Variants in LRRC9 observed in about 807,000 individuals in gnomAD.
The protein encoded by LRRC9 is leucine-rich repeat-containing protein 9.
Under a neutral mutation model 63.2 loss-of-function variants are expected in LRRC9, and 122 were observed. That is an observed-to-expected ratio of 1.93 (90% CI 1.67 to 2.24). The LOEUF is 2.24. Among genes scored for constraint, LRRC9 ranks in the 30% most tolerant of loss-of-function variants. The pLI is 0.00. For missense variants in LRRC9, 1,071 were observed against 627.7 expected, an observed-to-expected ratio of 1.71 and a Z score of -7.55; for synonymous variants, 366 against 213.1, an observed-to-expected ratio of 1.72 and a Z score of -6.25.
chr14:60,009,518 G>A (rs1392912761), intron 23 of LRRC9, among the ~76,000 whole-genome samples: 1 of 152,142 alleles, frequency 6.6e-6, no homozygotes, highest in Non-Finnish European at 1.5e-5. Context: ...CCATGACGTG[G>A]GGATTATTAC....
intron 26 of LRRC9, 95 bp downstream of exon 26, chr14:60,019,355 C>T (rs1890939105): frequency 4.1e-6 from 2 of 490,676 alleles, no homozygotes. Context: ...CATTCCAGTA[C>T]ATAAAATTTA....
intron 16 of LRRC9, among the ~76,000 whole-genome samples, chr14:59,982,458 C>G (rs540232592): frequency 6.6e-6 from 1 of 152,214 alleles, no homozygotes; most frequent in East Asian, 1.9e-4. Context: ...GAGCATGGTG[C>G]CTGCATCTGG....
intron 12 of LRRC9, among the ~76,000 whole-genome samples, chr14:59,967,762 C>T (rs1885013994): frequency 6.6e-6 from 1 of 152,018 alleles, no homozygotes; most frequent in South Asian, 2.1e-4. Flanking sequence ...CAGCGCTTCC[C>T]AACCTTTTTC....
chr14:60,045,201 T>G (rs1209666666), intron 29 of LRRC9, among the ~76,000 whole-genome samples: 1 of 152,148 alleles, frequency 6.6e-6, no homozygotes. Context: ...TGTATCTTTA[T>G]AGGTGAAATG....
chr14:59,944,852 ACACACACACACACT>A (rs1882179467), intron 8 of LRRC9, 108 bp downstream of exon 8: 1 of 454,200 alleles, frequency 2.2e-6, no homozygotes, highest in South Asian at 4.0e-5. Flanking sequence ...TATATAATAC[ACACACACACACACT>A]CACACACACA....
chr14:59,943,465 G>T (rs1164806530), intron 7 of LRRC9, among the ~76,000 whole-genome samples: 1 of 150,026 alleles, frequency 6.7e-6, no homozygotes, highest in Non-Finnish European at 1.5e-5. Flanking sequence ...TCTCCAAATA[G>T]GCAAGAAAAA....
At chr14:59,931,896 A>G (rs548930579) in intron 5 of LRRC9, 73 bp from the exon 6 acceptor site, 13 of 673,364 alleles carry the variant, frequency 1.9e-5, no homozygotes, top group Non-Finnish European at 3.5e-5. Flanking sequence ...CGATGGCTAC[A>G]TACAACTCAG....
At position 59,937,385 on chromosome 14, in the gene LRRC9, T is replaced by G. The variant is rs75639033; in HGVS notation, c.544-1005T>G. Among the ~76,000 whole-genome samples, 549 of 152,148 alleles carry G rather than the reference T, an allele frequency of 3.6e-3. 5 individuals are homozygous for G. The highest frequency in any genetic ancestry group is 0.013 in the African/African-American group (526 of 41,514). ...GCTTATAGACACAAGCATTTGGCAA[T>G]AGGGTATAATAAAATCCATACCAAA... On this transcript the variant is annotated intron_variant, in intron 6 of 31. Transcript: ENST00000445360.
intron 27 of LRRC9, among the ~76,000 whole-genome samples, chr14:60,024,808 C>A (rs1303800619): frequency 2.0e-5 from 3 of 151,922 alleles, no homozygotes; most frequent in Non-Finnish European, 2.9e-5. Context: ...GGTAATTTTT[C>A]AACCCTCACC....
At chr14:60,018,210 GATC>G in intron 24 of LRRC9, 158 bp from the exon 25 acceptor site, 1 of 548,388 alleles carries the variant, frequency 1.8e-6, no homozygotes, top group South Asian at 2.4e-5. Flanking sequence ...ATATTCAGCC[GATC>G]ATTTAACCAA....
intron 8 of LRRC9, among the ~76,000 whole-genome samples, chr14:59,959,556 A>T (rs577653616): frequency 6.6e-6 from 1 of 152,196 alleles, no homozygotes; most frequent in Non-Finnish European, 1.5e-5. Flanking sequence ...CTTATTTTCA[A>T]TTGGGAGACT....
At chr14:59,985,923 T>C (rs1341178504) in intron 17 of LRRC9, among the ~76,000 whole-genome samples, 1 of 152,188 alleles carries the variant, frequency 6.6e-6, no homozygotes, top group Non-Finnish European at 1.5e-5. Flanking sequence ...AAATGTACTT[T>C]GGTGTAATTT....
At chr14:60,025,679 CA>C (rs4033012) in intron 27 of LRRC9, among the ~76,000 whole-genome samples, 9,941 of 96,980 alleles carry the variant, frequency 0.1, 503 homozygotes, top group East Asian at 0.29. Context: ...ATATATTTTA[CA>C]AAAAAAAAAA....
chr14:60,054,600 C>A (rs1415611554), intron 30 of LRRC9, among the ~76,000 whole-genome samples: 1 of 152,090 alleles, frequency 6.6e-6, no homozygotes, highest in Non-Finnish European at 1.5e-5. Context: ...AAATTGTAGG[C>A]AAAATAAGGG....
intron 7 of LRRC9, among the ~76,000 whole-genome samples, chr14:59,944,336 C>G (rs983926232): frequency 2.6e-5 from 4 of 151,668 alleles, no homozygotes; most frequent in African/African-American, 7.3e-5. Flanking sequence ...TTGTTGTTAT[C>G]CTGGAAATAA....
At position 60,053,441 on chromosome 14, in the gene LRRC9, A is replaced by G. The variant is rs1043005224; in HGVS notation, c.4131+236A>G. Among the ~76,000 whole-genome samples, 1 of 151,746 alleles carries G rather than the reference A, an allele frequency of 6.6e-6. No individual in the cohort carries two copies. Among genetic ancestry groups the G allele is most frequent in the Non-Finnish European group, 1.5e-5 (1 of 67,948 alleles). On this transcript the variant is annotated intron_variant, in intron 30 of 31. Coordinates refer to ENST00000445360, the Ensembl canonical transcript of LRRC9. This position sits in a 1 kb window ranked among gnomAD's most constrained non-coding sequence, Gnocchi z 4.8. ...CACACATATATATGTAAGTCAGGGA[A>G]CATCCTTTTCTTAATAGCATACTTC...
At chr14:60,024,803 T>C (rs1217811375) in intron 27 of LRRC9, among the ~76,000 whole-genome samples, 1 of 151,986 alleles carries the variant, frequency 6.6e-6, no homozygotes, top group Non-Finnish European at 1.5e-5. Flanking sequence ...CAATAGGTAA[T>C]TTTTCAACCC....
chr14:59,931,046 T>A (rs1457939174), exon 4 of LRRC9: 1 of 381,222 alleles, frequency 2.6e-6, no homozygotes, highest in African/African-American at 2.1e-5. Flanking sequence ...ACAATACAAT[T>A]AAAAATATTG....
In LRRC9 at chr14:59,990,344, T is replaced by A. The variant is rs1024540291; in HGVS notation, c.2211+5120T>A. Among the ~76,000 whole-genome samples the A allele has an allele frequency of 6.6e-6, 1 of 152,214 alleles. No homozygotes were observed. Among genetic ancestry groups the A allele is most frequent in the Non-Finnish European group, 1.5e-5 (1 of 68,040 alleles). On this transcript the variant is annotated intron_variant, in intron 17 of 31. Transcript: ENST00000445360. The surrounding 1 kb of genome is among the most constrained non-coding windows in gnomAD (Gnocchi z 4.2). ...TGAAGAGAGTCCTAGTGGAATAGTTTTTAGATTCACAGGGGCTCGACTGCT... is the reference window on the plus strand; with the variant it reads ...TGAAGAGAGTCCTAGTGGAATAGTTATTAGATTCACAGGGGCTCGACTGCT...
Sources: gnomAD v4.1 joint callset for allele counts (sites outside exome capture counted in the v4.1 genomes callset) on GRCh38, gnomAD v4.1.1 for gene constraint, Gnocchi (gnomAD v3.1) non-coding constraint, MANE v1.5 for transcripts, NCBI Gene and HGNC (gene_info 2026-07-23, HGNC 2026-07-21) for gene names.